Variants in RYR3 observed in about 807,000 individuals in gnomAD.
The protein encoded by RYR3 is ryanodine receptor 3.
A neutral mutation model predicts 584.3 loss-of-function variants in RYR3; 207 were observed. The observed-to-expected ratio is 0.35, with a 90% CI of 0.32 to 0.40. The LOEUF (loss-of-function observed/expected upper bound fraction) is 0.40, where lower values mean the gene tolerates loss of function less well. Among genes scored for constraint, RYR3 ranks in the 10% least tolerant of loss-of-function variants. The pLI is 1.00. For synonymous variants in RYR3, 2,416 were observed against 2,248.5 expected (o/e 1.07, Z -2.11); for missense variants, 5,616 against 6,089.2 (o/e 0.92, Z 2.59).
chr15:33,824,347 T>C (rs1340438198), intron 81 of RYR3, among the ~76,000 whole-genome samples: 1 of 152,212 alleles, frequency 6.6e-6, no homozygotes, highest in African/African-American at 2.4e-5. Flanking sequence ...ACAATATATG[T>C]TTTTTAAAAA....
chr15:33,747,972 A>G, intron 53 of RYR3, 142 bp from the exon 54 acceptor site: 1 of 717,384 alleles, frequency 1.4e-6, no homozygotes. Flanking sequence ...AGATGCCACA[A>G]AGGATGTTTT....
At chr15:33,474,974 CT>C (rs2049251342) in intron 2 of RYR3, among the ~76,000 whole-genome samples, 1 of 152,128 alleles carries the variant, frequency 6.6e-6, no homozygotes, top group South Asian at 2.1e-4. Flanking sequence ...AAATTTTTAT[CT>C]TTTTAAAGAT....
chr15:33,767,279 C>T (rs1392435427), intron 60 of RYR3, among the ~76,000 whole-genome samples: 1 of 151,770 alleles, frequency 6.6e-6, no homozygotes, highest in Non-Finnish European at 1.5e-5. Context: ...GTTAGCCCCT[C>T]GCTTCAGCTC....
At chr15:33,597,408 A>C (rs1427277709) in intron 16 of RYR3, among the ~76,000 whole-genome samples, 1 of 152,172 alleles carries the variant, frequency 6.6e-6, no homozygotes, top group South Asian at 2.1e-4. Context: ...CGAGGTCAGG[A>C]GTTCGAAACC....
chr15:33,682,838 T>G (rs2064725171), intron 38 of RYR3, among the ~76,000 whole-genome samples: 1 of 152,154 alleles, frequency 6.6e-6, no homozygotes, highest in African/African-American at 2.4e-5. Flanking sequence ...GCGTCCTTAC[T>G]ATGTGTGGTG....
At chr15:33,705,101 T>TCTCTCTCTCTCTCTCTC (rs1156781766) in intron 42 of RYR3, among the ~76,000 whole-genome samples, 8 of 142,100 alleles carry the variant, frequency 5.6e-5, no homozygotes, top group African/African-American at 1.6e-4. Flanking sequence ...CACACACTCT[T>TCTCTCTCTCTCTCTCTC]TCTCTCTCTC....
At chr15:33,448,205 C>G (rs551680247) in intron 1 of RYR3, among the ~76,000 whole-genome samples, 4 of 152,184 alleles carry the variant, frequency 2.6e-5, no homozygotes, top group Non-Finnish European at 4.4e-5. Flanking sequence ...TAAGCAGCCC[C>G]TCTCAAGAAA....
chr15:33,809,824 A>G (rs1221569009), intron 70 of RYR3, among the ~76,000 whole-genome samples: 2 of 152,084 alleles, frequency 1.3e-5, no homozygotes, highest in African/African-American at 4.8e-5. Flanking sequence ...TAAACCTGCA[A>G]CTTCACTGAG....
At chr15:33,579,041 GAGAC>G (rs987707396) in intron 12 of RYR3, among the ~76,000 whole-genome samples, 19 of 152,296 alleles carry the variant, frequency 1.2e-4, no homozygotes, top group South Asian at 6.2e-4. Context: ...AACAGAAAAA[GAGAC>G]AGAGAAACTT....
Position 33,599,483 on chromosome 15 carries a change from A to C in RYR3, c.1789-1936A>C, listed in dbSNP as rs373120005. On this transcript the variant is annotated intron_variant, in intron 16 of 103. Transcript: ENST00000634891. ...AGTCTGGAAAGGCAGGATAACTTGA[A>C]GCCAAAACAGGAAGACTGGAAGCGG... 3.6e-4 allele frequency among the ~76,000 whole-genome samples: 55 copies of C among 152,324 alleles called. No individual in the cohort carries two copies. In the East Asian group the frequency reaches 3.7e-3, roughly 10 times the overall value.
intron 72 of RYR3, 104 bp downstream of exon 72, chr15:33,811,141 A>ACTGTTTTTGG: frequency 2.0e-6 from 2 of 983,600 alleles, no homozygotes; most frequent in Non-Finnish European, 3.2e-6. Context: ...TGTGTTCCAA[A>ACTGTTTTTGG]AACAGTTTGG....
intron 38 of RYR3, among the ~76,000 whole-genome samples, chr15:33,689,927 G>A (rs2065295664): frequency 6.6e-6 from 1 of 152,038 alleles, no homozygotes; most frequent in African/African-American, 2.4e-5. Context: ...CTTAACCTTG[G>A]GCATGTAACA....
In RYR3 at chr15:33,681,946, GC is replaced by G. The variant is rs144165299; in HGVS notation, c.5860+11391del. On this transcript the variant is annotated intron_variant, in intron 38 of 103. Transcript: ENST00000634891. ...CTCTTCGATCATAATGTACTTCATT[GC>G]GTGATGGCCACTTGGACTGTGATCT... Among the ~76,000 whole-genome samples the G allele has an allele frequency of 8.3e-3, 1,271 of 152,328 alleles. 19 individuals are homozygous for G. Among genetic ancestry groups the G allele is most frequent in the African/African-American group, 0.029 (1,199 of 41,576 alleles).
chr15:33,862,997 ATACATCT>A (rs2153023195), intron 102 of RYR3, among the ~76,000 whole-genome samples: 1 of 152,318 alleles, frequency 6.6e-6, no homozygotes, highest in Admixed American at 6.5e-5. Context: ...TTAAGAGAAT[ATACATCT>A]TAATGGAGGT....
At chr15:33,382,362 C>T (rs1010754039) in intron 1 of RYR3, among the ~76,000 whole-genome samples, 1 of 114,342 alleles carries the variant, frequency 8.7e-6, no homozygotes, top group Admixed American at 1.3e-4. Context: ...CTCGCTTTGT[C>T]GCCCAGGCTG....
At chr15:33,344,370 T>C (rs1486311502) in intron 1 of RYR3, among the ~76,000 whole-genome samples, 1 of 152,226 alleles carries the variant, frequency 6.6e-6, no homozygotes, top group African/African-American at 2.4e-5. Flanking sequence ...TATTTGACAA[T>C]GTAAAACTAA....
chr15:33,846,595 TGTG>T (rs1358632637), intron 93 of RYR3, among the ~76,000 whole-genome samples: 1 of 152,194 alleles, frequency 6.6e-6, no homozygotes, highest in African/African-American at 2.4e-5. Context: ...TTTCCTATAT[TGTG>T]GTCCTTTCTT....
At chr15:33,668,478 A>C (rs1596064588) in intron 36 of RYR3, among the ~76,000 whole-genome samples, 1 of 152,362 alleles carries the variant, frequency 6.6e-6, no homozygotes, top group African/African-American at 2.4e-5. Flanking sequence ...ACCCAGTAGA[A>C]AAATAGAGGA....
rs573222884 is a variant in RYR3, at chr15:33,799,035, C to A, written c.9831-1735C>A. Among the ~76,000 whole-genome samples the A allele has an allele frequency of 5.9e-5, 9 of 151,916 alleles. No homozygotes were observed. The East Asian group carries it at 1.7e-3, about 29-fold the overall frequency. On this transcript the variant is annotated intron_variant, in intron 67 of 103. Coordinates refer to ENST00000634891, the MANE Select transcript of RYR3 (RefSeq NM_001036.6). ...GGCAAGAGGCATCAGGTTTTTTAGA[C>A]CATTTTGAGACGCATTTTTTTTTAA...
Sources: allele counts gnomAD v4.1 joint callset (sites outside exome capture counted in the v4.1 genomes callset), GRCh38; gene constraint gnomAD v4.1.1; transcripts MANE v1.5; gene names NCBI Gene and HGNC (gene_info 2026-07-23, HGNC 2026-07-21).